Variants in ATXN7L1 observed in about 807,000 individuals in gnomAD.
The protein encoded by ATXN7L1 is ataxin 7 like 1.
Under a neutral mutation model 70.8 loss-of-function variants are expected in ATXN7L1, and 15 were observed. That is an observed-to-expected ratio of 0.21 (90% CI 0.14 to 0.33). The LOEUF is 0.33. Among genes scored for constraint, ATXN7L1 ranks in the 10% least tolerant of loss-of-function variants. The probability of loss-of-function intolerance (pLI) is 1.00; values close to 1 mark genes in which losing one functional copy is unlikely to be tolerated. For synonymous variants in ATXN7L1, 440 were observed against 445.1 expected (o/e 0.99, Z 0.14); for missense variants, 975 against 1,097.1 (o/e 0.89, Z 1.57).
rs1808076574 is a variant in ATXN7L1, at chr7:105,809,335, C to T, written c.251-20627G>A. ...GAGTGTATAGTACAGTATTGTTAAC[C>T]ATAAGCACACTGTTGTAAAGCAGAT... On this transcript the variant is annotated intron_variant, in intron 2 of 11. Coordinates refer to ENST00000419735, the MANE Select transcript of ATXN7L1 (RefSeq NM_020725.2). Among the ~76,000 whole-genome samples, 7 of 152,138 alleles carry T rather than the reference C, an allele frequency of 4.6e-5. No homozygotes were observed. In the South Asian group the frequency reaches 1.4e-3, roughly 31 times the overall value.
chr7:105,874,830 T>G (rs558306028), intron 2 of ATXN7L1, among the ~76,000 whole-genome samples: 2 of 152,320 alleles, frequency 1.3e-5, no homozygotes, highest in African/African-American at 4.8e-5. Flanking sequence ...GACCATTCTT[T>G]GGCATCTAAT....
At chr7:105,871,084 G>GTTTTTTTTTTTTTT (rs3999852) in intron 2 of ATXN7L1, among the ~76,000 whole-genome samples, 2 of 135,056 alleles carry the variant, frequency 1.5e-5, no homozygotes, top group African/African-American at 2.8e-5. Context: ...GAGGGCTTGG[G>GTTTTTTTTTTTTTT]TTTTTTTTTT....
At chr7:105,636,530 C>T (rs918398667) in intron 7 of ATXN7L1, among the ~76,000 whole-genome samples, 1 of 146,416 alleles carries the variant, frequency 6.8e-6, no homozygotes, top group African/African-American at 2.5e-5. Context: ...CTTAACAGAA[C>T]ACAAACAGCT....
At chr7:105,727,765 TATATATATATATACAC>T (rs1231258654) in intron 3 of ATXN7L1, among the ~76,000 whole-genome samples, 3 of 92,656 alleles carry the variant, frequency 3.2e-5, no homozygotes, top group African/African-American at 1.3e-4. Flanking sequence ...TATATATATA[TATATATATATATACAC>T]ACACATACAC....
chr7:105,669,451 G>C (rs1215223951), intron 3 of ATXN7L1, among the ~76,000 whole-genome samples: 3 of 152,270 alleles, frequency 2.0e-5, no homozygotes, highest in African/African-American at 7.2e-5. Flanking sequence ...CCTGAAGACA[G>C]CCCTTTGCCC....
At chr7:105,820,969 G>A (rs1810051903) in intron 2 of ATXN7L1, among the ~76,000 whole-genome samples, 1 of 152,242 alleles carries the variant, frequency 6.6e-6, no homozygotes, top group Non-Finnish European at 1.5e-5. Context: ...CAGATGCCGA[G>A]CAGGTGTTGG....
At chr7:105,811,975 T>C (rs949258008) in intron 2 of ATXN7L1, among the ~76,000 whole-genome samples, 6 of 152,150 alleles carry the variant, frequency 3.9e-5, no homozygotes, top group South Asian at 4.1e-4. Flanking sequence ...TTCAGACAAA[T>C]TGTCTCCTCT....
intron 3 of ATXN7L1, among the ~76,000 whole-genome samples, chr7:105,687,071 T>C (rs1790014664): frequency 6.6e-6 from 1 of 152,242 alleles, no homozygotes; most frequent in Admixed American, 6.5e-5. Context: ...TCATAAGCCA[T>C]ATGAAAGCTA....
At chr7:105,673,960 G>A (rs907046699) in intron 3 of ATXN7L1, among the ~76,000 whole-genome samples, 3 of 152,240 alleles carry the variant, frequency 2.0e-5, no homozygotes, top group African/African-American at 7.2e-5. Context: ...AAAGTCAGGT[G>A]ATAGGACAGG....
intron 3 of ATXN7L1, chr7:105,678,091 AC>A: frequency 1.2e-5 from 9 of 751,336 alleles, no homozygotes; most frequent in Non-Finnish European, 1.4e-5. Context: ...ACAGACACAT[AC>A]TTTTTTTTTT....
At chr7:105,760,743 T>G (rs2116411664) in intron 3 of ATXN7L1, 1 of 193,500 alleles carries the variant, frequency 5.2e-6, no homozygotes, top group East Asian at 1.9e-4. Flanking sequence ...AAGTAATCAT[T>G]AAGATGCAGT....
intron 2 of ATXN7L1, among the ~76,000 whole-genome samples, chr7:105,811,446 C>T (rs539707396): frequency 2.0e-3 from 309 of 152,270 alleles, no homozygotes; most frequent in Non-Finnish European, 3.7e-3. Flanking sequence ...TATTTTAAGC[C>T]ATCTAGTTTG....
chr7:105,648,233 G>A (rs1403641008), intron 4 of ATXN7L1, among the ~76,000 whole-genome samples: 1 of 151,430 alleles, frequency 6.6e-6, no homozygotes, highest in East Asian at 2.1e-4. Flanking sequence ...GCTTAGAAGA[G>A]TGAAGGAGAA....
Position 105,735,151 on chromosome 7 carries a change from TC to T in ATXN7L1, c.355+53452del, listed in dbSNP as rs1043383805. ...GAAATCCTTTTTTCCTCAGCCACTT[TC>T]CCACTAGATCCCCTTGACCTGGGCT... On this transcript the variant is annotated intron_variant, in intron 3 of 11. Transcript: ENST00000419735. 7.0e-4 allele frequency among the ~76,000 whole-genome samples: 106 copies of T among 152,296 alleles called. 1 individual carries two copies. Among genetic ancestry groups the T allele is most frequent in the African/African-American group, 2.5e-3 (106 of 41,574 alleles).
chr7:105,830,138 A>C (rs1397654723), intron 2 of ATXN7L1, among the ~76,000 whole-genome samples: 1 of 152,208 alleles, frequency 6.6e-6, no homozygotes, highest in Non-Finnish European at 1.5e-5. Context: ...AGGTCACGAC[A>C]AGTATAGGAG....
intron 2 of ATXN7L1, among the ~76,000 whole-genome samples, chr7:105,867,567 G>A (rs1242661554): frequency 1.3e-5 from 2 of 152,218 alleles, no homozygotes; most frequent in African/African-American, 4.8e-5. Flanking sequence ...AACTTTGGGA[G>A]GAGGGTTCCC....
chr7:105,779,306 TAA>T (rs1469731062), intron 3 of ATXN7L1, among the ~76,000 whole-genome samples: 1 of 152,246 alleles, frequency 6.6e-6, no homozygotes, highest in Non-Finnish European at 1.5e-5. Context: ...TAGCACATAG[TAA>T]GTGCTCAGTA....
intron 3 of ATXN7L1, among the ~76,000 whole-genome samples, chr7:105,670,814 T>C (rs1034826104): frequency 1.3e-5 from 2 of 149,274 alleles, no homozygotes; most frequent in Non-Finnish European, 3.0e-5. Context: ...ATACAAAAAT[T>C]AGCCGGGTGT....
At chr7:105,837,324 T>C (rs931592390) in intron 2 of ATXN7L1, among the ~76,000 whole-genome samples, 1 of 152,096 alleles carries the variant, frequency 6.6e-6, no homozygotes, top group Non-Finnish European at 1.5e-5. Flanking sequence ...TCCTACTTCT[T>C]TGAATCTACA....
Sources: allele counts gnomAD v4.1 joint callset (sites outside exome capture counted in the v4.1 genomes callset), GRCh38; gene constraint gnomAD v4.1.1; transcripts MANE v1.5; gene names NCBI Gene and HGNC (gene_info 2026-07-23, HGNC 2026-07-21).